The following AUTS2 variants were observed in gnomAD, a reference collection of about 807,000 sequenced individuals.
AUTS2 encodes the protein activator of transcription and developmental regulator AUTS2, also known as autism susceptibility gene 2 protein.
Under a neutral mutation model 112.4 loss-of-function variants are expected in AUTS2, and 17 were observed. The observed-to-expected ratio is 0.15, with a 90% CI of 0.10 to 0.23. The LOEUF is 0.23. AUTS2 is among the 10% of genes least tolerant of loss of function. The probability of loss-of-function intolerance (pLI) is 1.00; values close to 1 mark genes in which losing one functional copy is unlikely to be tolerated. For missense variants in AUTS2, 1,510 were observed against 1,701.6 expected (o/e 0.89, Z 1.98); for synonymous variants, 751 against 702.7 (o/e 1.07, Z -1.09).
At chr7:70,423,324 T>G (rs1055557681) in intron 4 of AUTS2, among the ~76,000 whole-genome samples, 1 of 152,220 alleles carries the variant, frequency 6.6e-6, no homozygotes, top group African/African-American at 2.4e-5. Flanking sequence ...ATATAAATAA[T>G]CTGTGAGTAG....
chr7:70,108,345 G>A, intron 2 of AUTS2, among the ~76,000 whole-genome samples: 1 of 152,158 alleles, frequency 6.6e-6, no homozygotes, highest in East Asian at 1.9e-4. Flanking sequence ...TGGATAAACA[G>A]TAAATATATG....
chr7:70,667,932 A>C (rs894240566), intron 5 of AUTS2, among the ~76,000 whole-genome samples: 2 of 152,172 alleles, frequency 1.3e-5, no homozygotes, highest in African/African-American at 4.8e-5. Context: ...AGCATGCATC[A>C]CGATCACTGG....
intron 5 of AUTS2, among the ~76,000 whole-genome samples, chr7:70,619,075 C>T (rs988749619): frequency 6.6e-6 from 1 of 152,108 alleles, no homozygotes; most frequent in Non-Finnish European, 1.5e-5. Context: ...TTTATAAAGG[C>T]CAGATACAGA....
At chr7:69,653,955 G>A (rs1420591008) in intron 1 of AUTS2, among the ~76,000 whole-genome samples, 1 of 152,182 alleles carries the variant, frequency 6.6e-6, no homozygotes. Context: ...ATGGGCAGAG[G>A]TTGGGGAGGG....
rs529550533 is a variant in AUTS2, at chr7:69,940,951, A to G, written c.522+41453A>G. On this transcript the variant is annotated intron_variant, in intron 2 of 18. Transcript: ENST00000342771. Reference sequence around the variant, plus strand: ...ACTGGAACATGAACAAATTATCTGCAGTGGAGCTTATTTGCTCAAAAGAAG... The same window carrying G: ...ACTGGAACATGAACAAATTATCTGCGGTGGAGCTTATTTGCTCAAAAGAAG... Among the ~76,000 whole-genome samples the G allele has an allele frequency of 8.5e-5, 13 of 152,346 alleles. No individual in the cohort carries two copies. The South Asian group carries it at 2.3e-3, about 27-fold the overall frequency.
chr7:69,778,244 ATATT>A (rs1562876811), intron 1 of AUTS2, among the ~76,000 whole-genome samples: 1 of 83,064 alleles, frequency 1.2e-5, no homozygotes, highest in African/African-American at 4.1e-5. Flanking sequence ...ATATATATAT[ATATT>A]TTTTTTTTTT....
At chr7:70,556,735 C>A (rs994699803) in intron 5 of AUTS2, among the ~76,000 whole-genome samples, 1 of 152,168 alleles carries the variant, frequency 6.6e-6, no homozygotes, top group African/African-American at 2.4e-5. Context: ...TGATAACCAC[C>A]CAGTTTTCTG....
chr7:70,120,323 T>C (rs1261498376), intron 3 of AUTS2: 1 of 152,202 alleles, frequency 6.6e-6, no homozygotes, highest in African/African-American at 2.4e-5. Context: ...CCTCCCCTTC[T>C]TCTGTGATAT....
Position 70,592,921 on chromosome 7 carries a change from C to T in AUTS2, c.691-105648C>T, listed in dbSNP as rs572317443. On this transcript the variant is annotated intron_variant, in intron 5 of 18. Coordinates refer to ENST00000342771, the MANE Select transcript of AUTS2 (RefSeq NM_015570.4). ...CTGCAGTGCGGTGCCACCATCTTGA[C>T]TCACTGCAACCTCAAACTTCTGGGC... Among the ~76,000 whole-genome samples, 5 of 152,298 alleles carry T rather than the reference C, an allele frequency of 3.3e-5. No homozygotes were observed. The South Asian group carries it at 1.0e-3, about 32-fold the overall frequency.
At chr7:70,398,855 A>G (rs1006937869) in intron 4 of AUTS2, among the ~76,000 whole-genome samples, 3 of 151,366 alleles carry the variant, frequency 2.0e-5, no homozygotes, top group Non-Finnish European at 2.9e-5. Context: ...ATATATAGCC[A>G]TTTTCCGTTT....
At chr7:69,818,247 T>C (rs976077969) in intron 1 of AUTS2, among the ~76,000 whole-genome samples, 3 of 152,144 alleles carry the variant, frequency 2.0e-5, no homozygotes, top group African/African-American at 7.2e-5. Flanking sequence ...GAGTTGTAAT[T>C]GATGGGGAGA....
intron 2 of AUTS2, among the ~76,000 whole-genome samples, chr7:70,025,346 C>T (rs769688986): frequency 6.6e-6 from 1 of 151,974 alleles, no homozygotes; most frequent in Non-Finnish European, 1.5e-5. Context: ...ATACTCTCTT[C>T]TGTATCTGCT....
intron 5 of AUTS2, among the ~76,000 whole-genome samples, chr7:70,584,466 G>C (rs1299245627): frequency 1.3e-5 from 2 of 152,230 alleles, no homozygotes; most frequent in African/African-American, 2.4e-5. Flanking sequence ...TAAGTTCTGT[G>C]TTTTAATTTC....
intron 1 of AUTS2, among the ~76,000 whole-genome samples, chr7:69,821,916 CA>C (rs34912846): frequency 0.35 from 26,702 of 76,980 alleles, 2,068 homozygotes; most frequent in African/African-American, 0.41. Flanking sequence ...ACAGGGTCTC[CA>C]AAAAAAAAAA....
At chr7:70,300,208 TACAGTA>T in intron 4 of AUTS2, among the ~76,000 whole-genome samples, 1 of 152,244 alleles carries the variant, frequency 6.6e-6, no homozygotes, top group South Asian at 2.1e-4. Context: ...ACGCATAAAA[TACAGTA>T]ACACTAACGA....
chr7:69,703,057 A>G (rs549033754), intron 1 of AUTS2, among the ~76,000 whole-genome samples: 10 of 152,316 alleles, frequency 6.6e-5, no homozygotes, highest in South Asian at 6.2e-4. Flanking sequence ...GGCAAAAACC[A>G]TGGTTACTTT....
At chr7:69,671,771 T>G (rs1562800346) in intron 1 of AUTS2, among the ~76,000 whole-genome samples, 1 of 152,174 alleles carries the variant, frequency 6.6e-6, no homozygotes, top group Admixed American at 6.5e-5. Context: ...AGGATACTAG[T>G]TTTTAAGATA....
chr7:70,791,089 CTG>C lies in AUTS2; in HGVS notation c.*94_*95del, dbSNP rs1491382197. The C allele has an allele frequency of 3.9e-6, 5 of 1,294,692 alleles. No homozygotes were observed. The highest frequency in any genetic ancestry group is 3.0e-5 in the African/African-American group (2 of 66,386). The allele number at this position is 1,294,692 out of a possible 1,614,324, so 80.2% of individuals were successfully genotyped here. On this transcript the variant is annotated 3_prime_UTR_variant, in exon 19 of 19. Coordinates refer to ENST00000342771, the MANE Select transcript of AUTS2 (RefSeq NM_015570.4). ...AGAACTCCTGCATGGCTCACACAGACTGGGGGGGAAAGCCCCACCCCTTCCCC... is the reference window on the plus strand; with the variant it reads ...AGAACTCCTGCATGGCTCACACAGACGGGGGGAAAGCCCCACCCCTTCCCC...
intron 6 of AUTS2, among the ~76,000 whole-genome samples, chr7:70,740,859 C>A (rs1788062663): frequency 6.6e-6 from 1 of 151,998 alleles, no homozygotes; most frequent in South Asian, 2.1e-4. Context: ...TTAGGGAGGC[C>A]AAGGCAGACG....
Sources: gnomAD v4.1 joint callset for allele counts (sites outside exome capture counted in the v4.1 genomes callset) on GRCh38, gnomAD v4.1.1 for gene constraint, MANE v1.5 for transcripts, NCBI Gene and HGNC (gene_info 2026-07-23, HGNC 2026-07-21) for gene names.